The following CACNA2D3 variants were observed in gnomAD, a reference collection of about 807,000 sequenced individuals.
CACNA2D3 encodes the protein calcium voltage-gated channel auxiliary subunit alpha2delta 3, also known as voltage-dependent calcium channel subunit alpha-2/delta-3.
In CACNA2D3, 60 loss-of-function variants were observed where a neutral mutation model predicts 160.6. The ratio of observed to expected loss-of-function variants is 0.37; its 90% CI spans 0.30 to 0.46. The LOEUF (loss-of-function observed/expected upper bound fraction) is 0.46. Ranked by LOEUF, CACNA2D3 falls within the 20% of genes least tolerant of loss-of-function variation. CACNA2D3 has a pLI of 1.00. For missense variants in CACNA2D3, 1,205 were observed against 1,365.0 expected, an observed-to-expected ratio of 0.88 and a Z score of 1.85; for synonymous variants, 558 against 492.9, an observed-to-expected ratio of 1.13 and a Z score of -1.75.
intron 2 of CACNA2D3, among the ~76,000 whole-genome samples, chr3:54,144,986 G>C (rs1699999163): frequency 6.6e-6 from 1 of 152,158 alleles, no homozygotes; most frequent in South Asian, 2.1e-4. Context: ...TACTCGCTGT[G>C]GTTTAGAGAG....
At chr3:54,148,974 C>CTAAAAAAAAAAAAA (rs1553735007) in intron 2 of CACNA2D3, among the ~76,000 whole-genome samples, 1 of 116,588 alleles carries the variant, frequency 8.6e-6, no homozygotes, top group Non-Finnish European at 1.8e-5. Flanking sequence ...AAAACTCCAT[C>CTAAAAAAAAAAAAA]AAAAAAAAAA....
intron 4 of CACNA2D3, among the ~76,000 whole-genome samples, chr3:54,478,236 A>G (rs1407519558): frequency 2.0e-5 from 3 of 152,182 alleles, no homozygotes; most frequent in Admixed American, 2.0e-4. Context: ...GACTAGAGCA[A>G]GTGATATAAT....
intron 11 of CACNA2D3, among the ~76,000 whole-genome samples, chr3:54,735,366 C>T (rs545844032): frequency 2.6e-5 from 4 of 152,286 alleles, no homozygotes; most frequent in African/African-American, 9.6e-5. Flanking sequence ...ACATTGAGCA[C>T]AGGACACATT....
chr3:54,172,382 C>T (rs903836912), intron 2 of CACNA2D3, among the ~76,000 whole-genome samples: 1 of 152,182 alleles, frequency 6.6e-6, no homozygotes, highest in Non-Finnish European at 1.5e-5. Context: ...TGTGGGTTTC[C>T]CCCCTCTCTG....
chr3:54,294,874 G>A (rs1703304404), intron 2 of CACNA2D3, among the ~76,000 whole-genome samples: 1 of 152,310 alleles, frequency 6.6e-6, no homozygotes, highest in Admixed American at 6.5e-5. Flanking sequence ...CTTTAGAGAA[G>A]TCAGGGGTTT....
intron 13 of CACNA2D3, among the ~76,000 whole-genome samples, chr3:54,815,230 G>A (rs1273345559): frequency 2.0e-5 from 3 of 152,226 alleles, no homozygotes; most frequent in Non-Finnish European, 4.4e-5. Flanking sequence ...TCATATTTCC[G>A]TCTTCTTAAA....
intron 11 of CACNA2D3, among the ~76,000 whole-genome samples, chr3:54,706,020 C>T (rs145036604): frequency 7.1e-4 from 108 of 152,288 alleles, no homozygotes; most frequent in Non-Finnish European, 1.4e-3. Flanking sequence ...ATCACTAGCC[C>T]ATATGTTTTA....
chr3:54,260,716 CT>C (rs151293610), intron 2 of CACNA2D3, among the ~76,000 whole-genome samples: 16 of 150,326 alleles, frequency 1.1e-4, no homozygotes, highest in East Asian at 1.9e-4. Flanking sequence ...TGCTGGTATT[CT>C]TTTTTTTTTC....
At chr3:54,374,771 G>T (rs886092335) in intron 3 of CACNA2D3, among the ~76,000 whole-genome samples, 1 of 152,096 alleles carries the variant, frequency 6.6e-6, no homozygotes, top group Non-Finnish European at 1.5e-5. Flanking sequence ...TCTGTATCCT[G>T]TTGGCCTCCA....
intron 29 of CACNA2D3, among the ~76,000 whole-genome samples, chr3:54,977,126 G>C (rs1431436050): frequency 6.6e-6 from 1 of 152,134 alleles, no homozygotes; most frequent in Admixed American, 6.5e-5. Flanking sequence ...TGATAAAATA[G>C]CACAATATGA....
chr3:54,452,031 T>G (rs1355307407), intron 4 of CACNA2D3, among the ~76,000 whole-genome samples: 1 of 152,234 alleles, frequency 6.6e-6, no homozygotes, highest in African/African-American at 2.4e-5. Context: ...AATGCCTCAC[T>G]AGAAGTACCT....
rs765022341 is a variant in CACNA2D3 at position 54,885,514 on chromosome 3, C to T, written c.1984C>T (p.Pro662Ser). Residue 662 changes from proline (P) to serine (S), a missense_variant, in exon 23 of 38, where the codon CCT (proline) becomes TCT (serine). Around this residue, in one of 3 missense-constraint regions of CACNA2D3, gnomAD observed 911 missense variants for 1,002.2 expected, o/e 0.91. Coordinates refer to ENST00000474759, the MANE Select transcript of CACNA2D3 (RefSeq NM_018398.3). ...EWSYCNTDLHPEHRHLSQLEA... is the reference protein window; with the variant it reads ...EWSYCNTDLHSEHRHLSQLEA... The stretch of plus-strand genomic sequence containing the variant: ...GTCCTACTGCAACACTGACCTACAC[C>T]CTGAGCACCGCCATCTGTCTCAGTT... The T allele has an allele frequency of 3.7e-6, 6 of 1,613,758 alleles. No individual in the cohort carries two copies. The highest frequency in any genetic ancestry group is 1.6e-4 in the Middle Eastern group (1 of 6,062).
At chr3:54,276,373 A>C (rs1361728276) in intron 2 of CACNA2D3, among the ~76,000 whole-genome samples, 1 of 152,176 alleles carries the variant, frequency 6.6e-6, no homozygotes, top group Non-Finnish European at 1.5e-5. Flanking sequence ...GTTCAAGACC[A>C]GCCTGGCCAC....
intron 17 of CACNA2D3, among the ~76,000 whole-genome samples, chr3:54,862,982 T>C (rs893364789): frequency 1.3e-5 from 2 of 152,174 alleles, no homozygotes; most frequent in African/African-American, 4.8e-5. Flanking sequence ...GGTCAACTGC[T>C]CAAAGGAATA....
chr3:54,969,722 C>T, intron 28 of CACNA2D3, 78 bp from the exon 29 acceptor site: 3 of 1,224,148 alleles, frequency 2.5e-6, no homozygotes, highest in Non-Finnish European at 3.6e-6. Flanking sequence ...CCTTAAGTAG[C>T]TCAGTGGCAG....
At chr3:54,390,492 C>T (rs1699260817) in intron 4 of CACNA2D3, among the ~76,000 whole-genome samples, 1 of 152,160 alleles carries the variant, frequency 6.6e-6, no homozygotes, top group African/African-American at 2.4e-5. Context: ...ACAAAAGCAT[C>T]AGAGGGTACC....
intron 2 of CACNA2D3, among the ~76,000 whole-genome samples, chr3:54,305,973 G>T (rs1703589909): frequency 6.6e-6 from 1 of 152,070 alleles, no homozygotes; most frequent in African/African-American, 2.4e-5. Context: ...CTCACCACTA[G>T]ATCTCATTGT....
intron 8 of CACNA2D3, among the ~76,000 whole-genome samples, chr3:54,575,503 C>A (rs768656131): frequency 1.3e-5 from 2 of 152,022 alleles, no homozygotes; most frequent in Non-Finnish European, 2.9e-5. Context: ...TCTATCGATT[C>A]ATTCAACAAA....
At chr3:54,704,706 A>G (rs182780711) in intron 11 of CACNA2D3, among the ~76,000 whole-genome samples, 6 of 152,238 alleles carry the variant, frequency 3.9e-5, no homozygotes, top group Admixed American at 1.3e-4. Flanking sequence ...TACCCCATCT[A>G]ACATGAGGCA....
Sources: allele counts gnomAD v4.1 joint callset (sites outside exome capture counted in the v4.1 genomes callset), GRCh38; gene constraint gnomAD v4.1.1; regional missense constraint gnomAD v4.1.1; transcripts MANE v1.5; gene names NCBI Gene and HGNC (gene_info 2026-07-23, HGNC 2026-07-21).